ARMH1: variants seen among roughly 807,000 people sequenced by gnomAD.
ARMH1 encodes armadillo-like helical domain containing protein 1.
A neutral mutation model predicts 50.2 loss-of-function variants in ARMH1; 34 were observed. The observed-to-expected ratio is 0.68, with a 90% CI of 0.51 to 0.90. ARMH1 has a LOEUF of 0.90. Among genes scored for constraint, ARMH1 ranks in the 40% least tolerant of loss-of-function variants. The probability of loss-of-function intolerance (pLI) is 0.00; values close to 1 mark genes in which losing one functional copy is unlikely to be tolerated. For synonymous variants in ARMH1, 221 were observed against 224.2 expected (o/e 0.99, Z 0.13); for missense variants, 538 against 553.9 (o/e 0.97, Z 0.29).
chr1:44,693,085 G>A (rs1645711806), intron 2 of ARMH1: 1 of 152,178 alleles, frequency 6.6e-6, no homozygotes, highest in Admixed American at 6.6e-5. Flanking sequence ...TTAAAATGCA[G>A]ATTACCAGTT....
At chr1:44,688,791 C>G (rs566027555) in intron 1 of ARMH1, among the ~76,000 whole-genome samples, 3 of 152,206 alleles carry the variant, frequency 2.0e-5, no homozygotes, top group Non-Finnish European at 1.5e-5. Flanking sequence ...CTTCCCTCCC[C>G]CCACTGAAAA....
intron 1 of ARMH1, among the ~76,000 whole-genome samples, chr1:44,675,362 G>A (rs1027922631): frequency 4.6e-5 from 7 of 152,106 alleles, no homozygotes; most frequent in Non-Finnish European, 8.8e-5. Flanking sequence ...GATAGGGAGG[G>A]GGAAAGACTC....
At chr1:44,700,375 C>T (rs765174068) in intron 4 of ARMH1, among the ~76,000 whole-genome samples, 9 of 152,160 alleles carry the variant, frequency 5.9e-5, no homozygotes, top group East Asian at 5.8e-4. Flanking sequence ...CCCAACACTT[C>T]GGGAGGCCAA....
intron 2 of ARMH1, among the ~76,000 whole-genome samples, chr1:44,696,863 C>T (rs1645844176): frequency 6.6e-6 from 1 of 152,154 alleles, no homozygotes; most frequent in Non-Finnish European, 1.5e-5. Context: ...CTGTAAGAGC[C>T]AAGGTGGCTG....
intron 1 of ARMH1, among the ~76,000 whole-genome samples, chr1:44,675,691 G>A (rs1645114666): frequency 6.6e-6 from 1 of 151,678 alleles, no homozygotes; most frequent in Admixed American, 6.6e-5. Context: ...CCAGTGTGGT[G>A]TCTCACCCCT....
intron 4 of ARMH1, 33 bp downstream of exon 4, chr1:44,698,262 T>G (rs1335329567): frequency 3.9e-6 from 6 of 1,521,012 alleles, no homozygotes; most frequent in Non-Finnish European, 4.4e-6. Flanking sequence ...TGTGTCTCCC[T>G]AGGGGCCTGA....
intron 6 of ARMH1, chr1:44,721,767 C>G (rs536596007): frequency 1.3e-5 from 2 of 152,258 alleles, no homozygotes; most frequent in Admixed American, 6.5e-5. Flanking sequence ...ACACGTCTCT[C>G]TTTAGTAACA....
intron 2 of ARMH1, 150 bp from the exon 3 acceptor site, chr1:44,696,951 TC>T: frequency 1.6e-6 from 1 of 626,534 alleles, no homozygotes; most frequent in Non-Finnish European, 2.9e-6. Flanking sequence ...TACTGCCACT[TC>T]CCCTTCCGCT....
At chr1:44,693,578 G>A (rs755215746) in intron 2 of ARMH1, among the ~76,000 whole-genome samples, 5 of 151,824 alleles carry the variant, frequency 3.3e-5, no homozygotes, top group Non-Finnish European at 7.4e-5. Context: ...CCTCCCAAGT[G>A]GCTGGGACTA....
intron 2 of ARMH1, 102 bp from the exon 3 acceptor site, chr1:44,697,000 A>G: frequency 1.3e-6 from 1 of 796,804 alleles, no homozygotes; most frequent in Non-Finnish European, 2.1e-6. Context: ...CAGTTCAGCT[A>G]CTTGGCCACC....
At chr1:44,691,612 C>G (rs1645662015) in intron 2 of ARMH1, among the ~76,000 whole-genome samples, 1 of 152,204 alleles carries the variant, frequency 6.6e-6, no homozygotes, top group Non-Finnish European at 1.5e-5. Flanking sequence ...TCTACTCACT[C>G]TCAGATTCTC....
At chr1:44,704,834 CT>C (rs34632415) in intron 6 of ARMH1, among the ~76,000 whole-genome samples, 2,304 of 124,332 alleles carry the variant, frequency 0.019, 55 homozygotes, top group African/African-American at 0.059. Flanking sequence ...TTATTGAGAA[CT>C]TTTTTTTTTT....
chr1:44,712,178 G>A (rs1206227022), intron 6 of ARMH1, among the ~76,000 whole-genome samples: 1 of 152,148 alleles, frequency 6.6e-6, no homozygotes, highest in African/African-American at 2.4e-5. Context: ...TTGAGACCTG[G>A]CTGGGCGCAG....
intron 1 of ARMH1, among the ~76,000 whole-genome samples, chr1:44,680,958 C>G (rs1460471871): frequency 1.3e-5 from 2 of 151,492 alleles, no homozygotes; most frequent in Non-Finnish European, 2.9e-5. Flanking sequence ...GACTTCCTAA[C>G]TGGTGCCCCC....
intron 6 of ARMH1, among the ~76,000 whole-genome samples, chr1:44,715,209 G>A (rs1401469106): frequency 6.6e-6 from 1 of 152,202 alleles, no homozygotes; most frequent in African/African-American, 2.4e-5. Flanking sequence ...GGTTTTGCAA[G>A]GCTCTGGGAT....
intron 1 of ARMH1, among the ~76,000 whole-genome samples, chr1:44,679,432 A>G (rs1360537898): frequency 6.6e-6 from 1 of 152,180 alleles, no homozygotes; most frequent in Non-Finnish European, 1.5e-5. Flanking sequence ...ATTTCCACTG[A>G]TCATTAGAGT....
intron 2 of ARMH1, among the ~76,000 whole-genome samples, chr1:44,690,266 AGAG>A (rs1645617341): frequency 6.6e-6 from 1 of 152,124 alleles, no homozygotes; most frequent in African/African-American, 2.4e-5. Flanking sequence ...AATGAAAAGG[AGAG>A]GAGATTGTCA....
Position 44,689,803 on chromosome 1 carries a change from A to T in ARMH1, c.106A>T (p.Ile36Phe). 1 of 1,551,848 alleles carries T rather than the reference A, an allele frequency of 6.4e-7. No individual in the cohort carries two copies. Among genetic ancestry groups the T allele is most frequent in the Non-Finnish European group, 8.7e-7 (1 of 1,147,024 alleles). ...VARSHILDKF[I>F]ETNQGKTAPE... ...AAGGAGTCACATCCTCGACAAGTTC[A>T]TTGAAACCAACCAAGGCAAGACTGC... Residue 36 changes from isoleucine to phenylalanine, a missense_variant, in exon 2 of 12, where the codon ATT (isoleucine) becomes TTT (phenylalanine). By Grantham distance (21) the Ile-to-Phe change is conservative (BLOSUM62 0). Transcript: ENST00000535358.
At chr1:44,685,328 A>T (rs1329256838) in intron 1 of ARMH1, among the ~76,000 whole-genome samples, 73 of 149,496 alleles carry the variant, frequency 4.9e-4, no homozygotes, top group Non-Finnish European at 5.9e-5. Context: ...TTTTTTTTCG[A>T]GACAGGGTCT....
Sources: gnomAD v4.1 joint callset for allele counts (sites outside exome capture counted in the v4.1 genomes callset) on GRCh38, gnomAD v4.1.1 for gene constraint, MANE v1.5 for transcripts, NCBI Gene and HGNC (gene_info 2026-07-23, HGNC 2026-07-21) for gene names.